Variants in SORBS2 observed in about 807,000 individuals in gnomAD.
The protein encoded by SORBS2 is sorbin and SH3 domain containing 2.
In SORBS2, 46 loss-of-function variants were observed where a neutral mutation model predicts 97.7. The ratio of observed to expected loss-of-function variants is 0.47; its 90% CI spans 0.37 to 0.60. SORBS2 has a LOEUF of 0.60. Among genes scored for constraint, SORBS2 ranks in the 20% least tolerant of loss-of-function variants. The pLI is 0.00. For synonymous variants in SORBS2, 476 were observed against 473.4 expected (o/e 1.01, Z -0.07); for missense variants, 1,316 against 1,282.3 (o/e 1.03, Z -0.40).
chr4:185,861,949 T>C (rs533137036), intron 1 of SORBS2, among the ~76,000 whole-genome samples: 18 of 152,234 alleles, frequency 1.2e-4, no homozygotes, highest in African/African-American at 4.3e-4. Flanking sequence ...TACTTGATAC[T>C]AGGGGGCAAC....
At chr4:185,948,510 A>ATTTTTTTTTTTTTT (rs34637572) in intron 1 of SORBS2, among the ~76,000 whole-genome samples, 1 of 87,736 alleles carries the variant, frequency 1.1e-5, no homozygotes, top group Non-Finnish European at 2.1e-5. Flanking sequence ...ATGAATTTCA[A>ATTTTTTTTTTTTTT]TTTTTTTTTT....
At chr4:185,908,276 G>C (rs1579428119) in intron 1 of SORBS2, among the ~76,000 whole-genome samples, 1 of 47,592 alleles carries the variant, frequency 2.1e-5, no homozygotes, top group Admixed American at 3.1e-4. Flanking sequence ...CCATGCAAAG[G>C]CTATATATAT....
chr4:185,911,163 G>C (rs1479769370), intron 1 of SORBS2, among the ~76,000 whole-genome samples: 1 of 152,056 alleles, frequency 6.6e-6, no homozygotes, highest in Non-Finnish European at 1.5e-5. Flanking sequence ...TTCCTTTATT[G>C]TCTTATAACA....
At chr4:185,814,222 C>A (rs2099191862) in intron 1 of SORBS2, among the ~76,000 whole-genome samples, 1 of 152,060 alleles carries the variant, frequency 6.6e-6, no homozygotes, top group South Asian at 2.1e-4. Flanking sequence ...TACCCTCACA[C>A]TTGATTGATT....
At chr4:185,814,884 C>T (rs1407293509) in intron 1 of SORBS2, among the ~76,000 whole-genome samples, 1 of 152,384 alleles carries the variant, frequency 6.6e-6, no homozygotes, top group East Asian at 1.9e-4. Context: ...TGCACTGAGG[C>T]CCATTGGCAT....
At chr4:185,816,178 G>A (rs58775410) in intron 1 of SORBS2, among the ~76,000 whole-genome samples, 2,975 of 152,262 alleles carry the variant, frequency 0.02, 82 homozygotes, top group African/African-American at 0.062. Context: ...CCTCTGGTTC[G>A]TATTTTGAAA....
chr4:185,605,641 C>G (rs1021818135), intron 12 of SORBS2, among the ~76,000 whole-genome samples: 3 of 149,240 alleles, frequency 2.0e-5, no homozygotes, highest in East Asian at 2.0e-4. Context: ...CTGGAGTGCA[C>G]TGGCACGATC....
chr4:185,830,963 T>C (rs1382095255), intron 1 of SORBS2, among the ~76,000 whole-genome samples: 1 of 152,192 alleles, frequency 6.6e-6, no homozygotes, highest in Non-Finnish European at 1.5e-5. Flanking sequence ...TGTGACTTGG[T>C]TCTTTTTTAT....
At chr4:185,592,309 T>C (rs942462370) in intron 13 of SORBS2, among the ~76,000 whole-genome samples, 2 of 152,218 alleles carry the variant, frequency 1.3e-5, no homozygotes, top group Admixed American at 1.3e-4. Context: ...CAGGCTATAA[T>C]CAAATATAAA....
chr4:185,902,121 T>A (rs1458008717), intron 1 of SORBS2, among the ~76,000 whole-genome samples: 2 of 152,194 alleles, frequency 1.3e-5, no homozygotes, highest in African/African-American at 4.8e-5. Context: ...AATAGTATTT[T>A]AAAAGCATAT....
intron 2 of SORBS2, among the ~76,000 whole-genome samples, chr4:185,718,631 A>G (rs1265464361): frequency 6.6e-6 from 1 of 152,198 alleles, no homozygotes; most frequent in Non-Finnish European, 1.5e-5. Context: ...CCTGTGCACA[A>G]GGACACCTAT....
At chr4:185,829,893 A>C (rs751287883) in intron 1 of SORBS2, among the ~76,000 whole-genome samples, 1 of 152,208 alleles carries the variant, frequency 6.6e-6, no homozygotes, top group Non-Finnish European at 1.5e-5. Context: ...AAAATAAATA[A>C]TTGGATTTTT....
At chr4:185,808,822 T>A (rs1046232323) in intron 1 of SORBS2, among the ~76,000 whole-genome samples, 2 of 152,228 alleles carry the variant, frequency 1.3e-5, no homozygotes, top group African/African-American at 4.8e-5. Flanking sequence ...CTAATCATCA[T>A]CAACTCAACA....
intron 1 of SORBS2, among the ~76,000 whole-genome samples, chr4:185,909,926 G>A (rs2149872943): frequency 6.7e-6 from 1 of 148,446 alleles, no homozygotes; most frequent in Admixed American, 6.8e-5. Flanking sequence ...GGAGGTTGAA[G>A]TGAGCTGAGA....
At chr4:185,813,870 T>C (rs2099191238) in intron 1 of SORBS2, among the ~76,000 whole-genome samples, 1 of 152,118 alleles carries the variant, frequency 6.6e-6, no homozygotes. Flanking sequence ...TTCTTAGCAG[T>C]TCTCCTTTTA....
intron 2 of SORBS2, among the ~76,000 whole-genome samples, chr4:185,710,929 G>T (rs553099708): frequency 6.6e-6 from 1 of 152,072 alleles, no homozygotes. Context: ...TGTGCAAAAC[G>T]GAACAAGGAT....
Position 185,684,899 on chromosome 4 carries a change from G to T in SORBS2, c.-197-6077C>A. The T allele has an allele frequency of 1.5e-6, 2 of 1,296,658 alleles. No homozygotes were observed. The highest frequency in any genetic ancestry group is 2.2e-6 in the Non-Finnish European group (2 of 917,028). The allele number at this position is 1,296,658 out of a possible 1,614,324, so 80.3% of individuals were successfully genotyped here. On this transcript the variant is annotated intron_variant, in intron 2 of 20. Transcript: ENST00000284776. The surrounding 1 kb of genome is among the most constrained non-coding windows in gnomAD (Gnocchi z 4.2). Reference sequence around the variant, plus strand: ...GGCCAAGGCAACGGGAAAAGCACGTGCAATATCATGCGTTTTAAGAGAAAT... The same window carrying T: ...GGCCAAGGCAACGGGAAAAGCACGTTCAATATCATGCGTTTTAAGAGAAAT...
intron 2 of SORBS2, among the ~76,000 whole-genome samples, chr4:185,762,270 G>A (rs2098899655): frequency 6.6e-6 from 1 of 152,156 alleles, no homozygotes; most frequent in Non-Finnish European, 1.5e-5. Flanking sequence ...GAGCAGGGTG[G>A]GAGTTGGAAA....
intron 1 of SORBS2, among the ~76,000 whole-genome samples, chr4:185,852,779 T>A (rs2099218656): frequency 6.6e-6 from 1 of 152,140 alleles, no homozygotes; most frequent in South Asian, 2.1e-4. Flanking sequence ...ACTGAAACCA[T>A]GGTGTCTGGG....
Sources: allele counts gnomAD v4.1 joint callset (sites outside exome capture counted in the v4.1 genomes callset), GRCh38; gene constraint gnomAD v4.1.1; non-coding constraint Gnocchi (gnomAD v3.1); transcripts MANE v1.5; gene names NCBI Gene and HGNC (gene_info 2026-07-23, HGNC 2026-07-21).